PCLO: variants seen among roughly 807,000 people sequenced by gnomAD.
PCLO encodes the protein protein piccolo.
Under a neutral mutation model 427.5 loss-of-function variants are expected in PCLO, and 82 were observed. The observed-to-expected ratio is 0.19, with a 90% CI of 0.16 to 0.23. The LOEUF (loss-of-function observed/expected upper bound fraction) is 0.23. PCLO is among the 10% of genes least tolerant of loss of function. PCLO has a pLI of 1.00. For missense variants in PCLO, 6,239 were observed against 6,115.9 expected, an observed-to-expected ratio of 1.02 and a Z score of -0.67; for synonymous variants, 2,357 against 2,155.4, an observed-to-expected ratio of 1.09 and a Z score of -2.59.
intron 8 of PCLO, among the ~76,000 whole-genome samples, chr7:82,906,635 T>G (rs138164543): frequency 6.6e-6 from 1 of 152,024 alleles, no homozygotes; most frequent in South Asian, 2.1e-4. Context: ...ATTTGTTACT[T>G]ATTTGGGCAA....
At chr7:83,142,796 T>C (rs1442935546) in intron 2 of PCLO, among the ~76,000 whole-genome samples, 1 of 152,062 alleles carries the variant, frequency 6.6e-6, no homozygotes, top group Non-Finnish European at 1.5e-5. Flanking sequence ...CCGTCTCTAC[T>C]AAAAATACAA....
At chr7:82,962,460 G>T (rs1378415298) in intron 4 of PCLO, among the ~76,000 whole-genome samples, 1 of 152,026 alleles carries the variant, frequency 6.6e-6, no homozygotes, top group Non-Finnish European at 1.5e-5. Context: ...GTTGTGGAAG[G>T]TTTGGGAAAA....
intron 8 of PCLO, 87 bp from the exon 9 acceptor site, chr7:82,902,828 C>A: frequency 1.5e-6 from 1 of 689,394 alleles, no homozygotes; most frequent in Non-Finnish European, 2.6e-6. Context: ...CATTTCAAAG[C>A]ACATTGATTA....
rs139864701 is a variant in PCLO, at chr7:83,114,092, T to C, written c.3300+20158A>G. Among the ~76,000 whole-genome samples, 16 of 152,280 alleles carry C rather than the reference T, an allele frequency of 1.1e-4. No homozygotes were observed. The East Asian group carries it at 2.9e-3, about 28-fold the overall frequency. ...TCCATGGTAGTCTTAACTACAATTA[T>C]AACTCGATTAAGAGAAAGCCTGCAT... On this transcript the variant is annotated intron_variant, in intron 3 of 24. Coordinates refer to ENST00000333891, the MANE Select transcript of PCLO (RefSeq NM_033026.6).
chr7:83,096,860 A>AT (rs1261318051), intron 3 of PCLO, among the ~76,000 whole-genome samples: 2 of 83,182 alleles, frequency 2.4e-5, no homozygotes, highest in African/African-American at 1.2e-4. Context: ...TATATATAAA[A>AT]ATATATTATA....
Position 82,949,523 on chromosome 7 carries a change from C to A in PCLO, c.11065G>T (p.Ala3689Ser). ...MSDPKPLSPT[A>S]DESSRAPFQY... Reference sequence around the variant, plus strand: ...AAAGGAGCCCTGGAACTTTCGTCTGCTGTTGGACTCAGAGGCTTGGGGTCA... The same window carrying A: ...AAAGGAGCCCTGGAACTTTCGTCTGATGTTGGACTCAGAGGCTTGGGGTCA... Residue 3689 changes from alanine (A) to serine (S), a missense_variant, in exon 6 of 25, where the codon GCA becomes TCA. Transcript: ENST00000333891. 6.2e-7 allele frequency: 1 copy of A among 1,612,712 alleles called. No individual in the cohort carries two copies. The highest frequency in any genetic ancestry group is 1.1e-5 in the South Asian group (1 of 90,924).
intron 22 of PCLO, among the ~76,000 whole-genome samples, chr7:82,773,263 C>T (rs914504055): frequency 1.3e-5 from 2 of 152,120 alleles, no homozygotes; most frequent in African/African-American, 4.8e-5. Flanking sequence ...AAACTAGGAG[C>T]TCCTGTGAGG....
rs758038094 is a variant in PCLO at position 82,955,148 on chromosome 7, A to G, written c.5805T>C (p.Asn1935=). ...CTTTTTCAAACACTTCATCTCGTTCATTTGCAGCTGGAAAAGCTTTGTATT... is the reference window on the plus strand; with the variant it reads ...CTTTTTCAAACACTTCATCTCGTTCGTTTGCAGCTGGAAAAGCTTTGTATT... ...THKYKAFPAA[N]ERDEVFEKEP... The change falls in exon 5 of 25, where the codon AAT becomes AAC. Residue 1935 remains asparagine, a synonymous_variant. Coordinates refer to ENST00000333891, the MANE Select transcript of PCLO (RefSeq NM_033026.6). The G allele has an allele frequency of 3.4e-5, 55 of 1,613,588 alleles. No homozygotes were observed. The highest frequency in any genetic ancestry group is 1.4e-5 in the Non-Finnish European group (17 of 1,179,854).
chr7:83,048,174 C>A (rs887230618), intron 3 of PCLO, among the ~76,000 whole-genome samples: 1 of 151,804 alleles, frequency 6.6e-6, no homozygotes, highest in Non-Finnish European at 1.5e-5. Flanking sequence ...TGTTTTCCCA[C>A]ATTTATTTAG....
chr7:83,024,592 G>C (rs1788438228), intron 3 of PCLO, among the ~76,000 whole-genome samples: 1 of 152,182 alleles, frequency 6.6e-6, no homozygotes, highest in Non-Finnish European at 1.5e-5. Flanking sequence ...CTCGAACTGG[G>C]TGGAGCCCAC....
Position 82,952,902 on chromosome 7 carries a change from C to G in PCLO, c.8051G>C (p.Ser2684Thr), listed in dbSNP as rs1375197639. 2 of 1,613,820 alleles carry G rather than the reference C, an allele frequency of 1.2e-6. No homozygotes were observed. Residue 2684 changes from serine to threonine, a missense_variant, in exon 5 of 25, where the codon AGT (serine) becomes ACT (threonine). Ser to Thr is a moderately conservative substitution (Grantham distance 58). Transcript: ENST00000333891. ...GCTGAGACCAACACTAGGAGCTGTA[C>G]TTCTGGTTGCTGAAACCTCAGTCTT... ...VSKTEVSATR[S>T]TAPSVGLSSI...
chr7:83,134,537 C>T lies in PCLO; in HGVS notation c.3013G>A (p.Ala1005Thr), dbSNP rs200529522. The change falls in exon 3 of 25, where the codon GCT becomes ACT. Residue 1005 changes from alanine (A) to threonine (T), a missense_variant. By Grantham distance (58) the Ala-to-Thr change is moderately conservative (BLOSUM62 0). Around this residue, in one of 5 missense-constraint regions of PCLO, gnomAD observed 4,677 missense variants for 4,468.4 expected, o/e 1.05. Transcript: ENST00000333891. The stretch of plus-strand genomic sequence containing the variant: ...TCAGCTTTGGGCTCTAATTTTTCAG[C>T]TGCTGGGGCTTTTGTTTCCTTTTTC... ...PVKKETKAPA[A>T]EKLEPKAEQA... 6.2e-7 allele frequency: 1 copy of T among 1,613,856 alleles called. No individual in the cohort carries two copies. The highest frequency in any genetic ancestry group is 1.3e-5 in the African/African-American group (1 of 75,030).
At chr7:82,998,126 C>A (rs896234864) in intron 3 of PCLO, among the ~76,000 whole-genome samples, 2 of 151,938 alleles carry the variant, frequency 1.3e-5, no homozygotes, top group African/African-American at 4.8e-5. Flanking sequence ...CTACGGAAAC[C>A]AGTACTGGGG....
chr7:82,977,377 CTTTTTTATTTATTTAT>C (rs1325363680), intron 3 of PCLO, among the ~76,000 whole-genome samples: 4 of 136,868 alleles, frequency 2.9e-5, no homozygotes, highest in East Asian at 2.1e-4. Context: ...CAAAATTCAT[CTTTTTTATTTATTTAT>C]TTATTTATTT....
chr7:82,890,028 A>G (rs959372298), intron 9 of PCLO, among the ~76,000 whole-genome samples: 8 of 151,268 alleles, frequency 5.3e-5, no homozygotes, highest in Non-Finnish European at 1.5e-5. Context: ...TATTTTACAT[A>G]TTACAATATA....
intron 6 of PCLO, among the ~76,000 whole-genome samples, chr7:82,926,700 C>T (rs1200588968): frequency 6.6e-6 from 1 of 152,160 alleles, no homozygotes; most frequent in African/African-American, 2.4e-5. Flanking sequence ...TTCTACCTCA[C>T]TGGACAGAAG....
rs1562876409 is a variant in PCLO at position 82,950,644 on chromosome 7, A to C, written c.9944T>G (p.Ile3315Ser). 3 of 1,613,726 alleles carry C rather than the reference A, an allele frequency of 1.9e-6. No individual in the cohort carries two copies. The African/African-American group carries it at 4.0e-5, about 22-fold the overall frequency. Residue 3315 changes from isoleucine to serine, a missense_variant, in exon 6 of 25, where the codon ATC becomes AGC. Coordinates refer to ENST00000333891, the MANE Select transcript of PCLO (RefSeq NM_033026.6). ...AGAAGGGTCATAGTTATACTGGTAG[A>C]TCTGCCGAATCTTTTGCTCCTCCAG... is the stretch of plus-strand genomic sequence containing the variant. The part of the protein sequence containing the change: ...QQLEEQKIRQ[I>S]YQYNYDPSGT...
rs771762408 is a variant in PCLO at position 82,824,372 on chromosome 7, T to A, written c.14460A>T (p.Pro4820=). The part of the protein sequence containing the change: ...LSSTSHLDNT[P]RWYPLKEQTE... ...TCTGTTCTTTGAGAGGATACCACCT[T>A]GGAGTGTTATCGAGGTGAGATGTGC... is the stretch of plus-strand genomic sequence containing the variant. The change falls in exon 19 of 25, where the codon CCA becomes CCT. Residue 4820 remains proline (P), a synonymous_variant. Coordinates refer to ENST00000333891, the MANE Select transcript of PCLO (RefSeq NM_033026.6). 2.0e-5 allele frequency: 33 copies of A among 1,612,040 alleles called. No homozygotes were observed. The highest frequency in any genetic ancestry group is 2.8e-5 in the Non-Finnish European group (33 of 1,178,432).
intron 3 of PCLO, among the ~76,000 whole-genome samples, chr7:83,001,195 T>C (rs895426389): frequency 7.9e-5 from 12 of 152,016 alleles, no homozygotes; most frequent in Admixed American, 7.9e-4. Flanking sequence ...TTGTGAATTT[T>C]AAAAGTCTGG....
Sources: gnomAD v4.1 joint callset for allele counts (sites outside exome capture counted in the v4.1 genomes callset) on GRCh38, gnomAD v4.1.1 for gene constraint, gnomAD v4.1.1 regional missense constraint, MANE v1.5 for transcripts, NCBI Gene and HGNC (gene_info 2026-07-23, HGNC 2026-07-21) for gene names.